DCBLD1: variants seen among roughly 807,000 people sequenced by gnomAD.
The protein encoded by DCBLD1 is discoidin, CUB and LCCL domain-containing protein 1.
DCBLD1 carries 57 observed loss-of-function variants against 71.5 expected under a neutral mutation model. The observed-to-expected ratio is 0.80, with a 90% CI of 0.64 to 0.99. The LOEUF (loss-of-function observed/expected upper bound fraction) is 0.99, where lower values mean the gene tolerates loss of function less well. DCBLD1 is among the 50% of genes least tolerant of loss of function. The pLI, the probability that DCBLD1 is intolerant of heterozygous loss-of-function variation, is 0.00. For synonymous variants in DCBLD1, 380 were observed against 363.8 expected, an observed-to-expected ratio of 1.04 and a Z score of -0.51; for missense variants, 891 against 923.5, an observed-to-expected ratio of 0.96 and a Z score of 0.46.
At chr6:117,564,050 T>C (rs2114599151) in intron 14 of DCBLD1, among the ~76,000 whole-genome samples, 1 of 151,728 alleles carries the variant, frequency 6.6e-6, no homozygotes, top group East Asian at 1.9e-4. Context: ...TGATTACGGC[T>C]CACTGCTGCC....
chr6:117,556,769 T>C (rs1779500334), intron 14 of DCBLD1, among the ~76,000 whole-genome samples: 1 of 152,182 alleles, frequency 6.6e-6, no homozygotes. Context: ...CAAATGGTAG[T>C]TCTATTTTTA....
At chr6:117,567,175 A>C (rs954405401) in intron 14 of DCBLD1, 2 of 572,604 alleles carry the variant, frequency 3.5e-6, no homozygotes, top group African/African-American at 3.8e-5. Context: ...ATAAAATTCT[A>C]GAATCTAAAG....
At chr6:117,488,776 G>A (rs999314585) in intron 1 of DCBLD1, among the ~76,000 whole-genome samples, 5 of 152,196 alleles carry the variant, frequency 3.3e-5, no homozygotes, top group Admixed American at 6.5e-5. Flanking sequence ...GATTTAGACC[G>A]GGGGTCCCCT....
At chr6:117,482,974 C>T (rs1673209728) in intron 1 of DCBLD1, 81 bp downstream of exon 1, 1 of 594,420 alleles carries the variant, frequency 1.7e-6, no homozygotes. Flanking sequence ...CCGGGCCGGG[C>T]CGAGGGCTAC....
rs146691386 is a variant in DCBLD1, at chr6:117,538,785, A to G, written c.926A>G (p.Lys309Arg). Reference sequence around the variant, plus strand: ...TCGGGCGACAGTAGCAACAACCACAAACCACGAGAGTGGCTGGAGATCGAT... The same window carrying G: ...TCGGGCGACAGTAGCAACAACCACAGACCACGAGAGTGGCTGGAGATCGAT... ...WASGDSSNNH[K>R]PREWLEIDLG... Residue 309 changes from lysine to arginine, a missense_variant, in exon 8 of 15, where the codon AAA becomes AGA. Physicochemically the swap from Lys to Arg is conservative, Grantham distance 26. Transcript: ENST00000338728. 6.2e-7 allele frequency: 1 copy of G among 1,614,164 alleles called. No individual in the cohort carries two copies. The highest frequency in any genetic ancestry group is 8.5e-7 in the Non-Finnish European group (1 of 1,180,024).
intron 1 of DCBLD1, among the ~76,000 whole-genome samples, chr6:117,495,865 A>G (rs1045930250): frequency 6.6e-6 from 1 of 152,212 alleles, no homozygotes; most frequent in Non-Finnish European, 1.5e-5. Context: ...ATATCTTAAC[A>G]TGGTAATTAT....
intron 2 of DCBLD1, among the ~76,000 whole-genome samples, chr6:117,505,353 T>C (rs916071154): frequency 6.6e-6 from 1 of 152,118 alleles, no homozygotes; most frequent in African/African-American, 2.4e-5. Context: ...GAGATTTCTC[T>C]CAGATTCTGA....
At chr6:117,550,046 A>G (rs1410583436), downstream of DCBLD1, among the ~76,000 whole-genome samples, 2 of 152,238 alleles carry the variant, frequency 1.3e-5, no homozygotes, top group Admixed American at 6.5e-5. Flanking sequence ...AATTAGTTGG[A>G]ACATTTATCA....
chr6:117,496,211 A>G (rs1377006208), intron 1 of DCBLD1, among the ~76,000 whole-genome samples: 1 of 152,250 alleles, frequency 6.6e-6, no homozygotes, highest in Non-Finnish European at 1.5e-5. Flanking sequence ...AAACATGGTC[A>G]TGTGTTTCTA....
intron 2 of DCBLD1, among the ~76,000 whole-genome samples, chr6:117,513,829 C>T (rs1228311723): frequency 6.6e-6 from 1 of 152,206 alleles, no homozygotes; most frequent in Non-Finnish European, 1.5e-5. Context: ...TCACCGCGCT[C>T]TCATGTGGGT....
At chr6:117,515,517 T>C (rs1778165345) in intron 2 of DCBLD1, among the ~76,000 whole-genome samples, 1 of 152,214 alleles carries the variant, frequency 6.6e-6, no homozygotes, top group Admixed American at 6.5e-5. Context: ...AAAGCAAGTG[T>C]CTTCACCCCT....
At chr6:117,568,225 C>T (rs904928493) in intron 14 of DCBLD1, among the ~76,000 whole-genome samples, 1 of 151,688 alleles carries the variant, frequency 6.6e-6, no homozygotes, top group African/African-American at 2.4e-5. Flanking sequence ...TGTTACAGAT[C>T]GTTTTATGTT....
At chr6:117,536,896 A>G (rs1379998880) in intron 6 of DCBLD1, among the ~76,000 whole-genome samples, 1 of 152,248 alleles carries the variant, frequency 6.6e-6, no homozygotes, top group Non-Finnish European at 1.5e-5. Flanking sequence ...CATGGTGGAA[A>G]TAGCACAGGA....
chr6:117,539,491 CA>C, intron 9 of DCBLD1, 112 bp downstream of exon 9: 1 of 1,209,630 alleles, frequency 8.3e-7, no homozygotes. Context: ...TGAGGCCAAG[CA>C]TGGTGGTTCA....
chr6:117,537,069 G>T (rs1778905331), intron 6 of DCBLD1, 116 bp from the exon 7 acceptor site: 4 of 963,242 alleles, frequency 4.2e-6, no homozygotes, highest in Non-Finnish European at 6.6e-6. Flanking sequence ...GGTGTTGTGA[G>T]GATCATGTAA....
At chr6:117,500,032 T>C (rs950720498) in intron 1 of DCBLD1, among the ~76,000 whole-genome samples, 2 of 152,172 alleles carry the variant, frequency 1.3e-5, no homozygotes, top group African/African-American at 4.8e-5. Context: ...AATAAATAAA[T>C]AATACTTGTC....
chr6:117,545,423 G>A, intron 13 of DCBLD1, 55 bp from the exon 14 acceptor site: 1 of 1,594,776 alleles, frequency 6.3e-7, no homozygotes, highest in Non-Finnish European at 8.6e-7. Context: ...ATGTTCTGGA[G>A]GACGCGCATT....
At chr6:117,535,403 T>A (rs1778850990) in intron 6 of DCBLD1, among the ~76,000 whole-genome samples, 1 of 152,220 alleles carries the variant, frequency 6.6e-6, no homozygotes, top group Non-Finnish European at 1.5e-5. Context: ...GTAATCTGAT[T>A]GAATTCATTC....
intron 7 of DCBLD1, among the ~76,000 whole-genome samples, chr6:117,537,662 CTTTTTT>C (rs68032011): frequency 4.3e-5 from 2 of 46,880 alleles, no homozygotes; most frequent in African/African-American, 9.5e-5. Flanking sequence ...TACATAGCAC[CTTTTTT>C]TTTTTTTTTT....
Sources: gnomAD v4.1 joint callset for allele counts (sites outside exome capture counted in the v4.1 genomes callset) on GRCh38, gnomAD v4.1.1 for gene constraint, MANE v1.5 for transcripts, NCBI Gene and HGNC (gene_info 2026-07-23, HGNC 2026-07-21) for gene names.